The following STAU2 variants were observed in gnomAD, a reference collection of about 807,000 sequenced individuals.
STAU2 encodes staufen double-stranded RNA binding protein 2.
In STAU2, 20 loss-of-function variants were observed where a neutral mutation model predicts 65.9. The observed-to-expected ratio is 0.30, with a 90% CI of 0.21 to 0.44. The LOEUF is 0.44. Among genes scored for constraint, STAU2 ranks in the 20% least tolerant of loss-of-function variants. The probability of loss-of-function intolerance (pLI) is 1.00; values close to 1 mark genes in which losing one functional copy is unlikely to be tolerated. For missense variants in STAU2, 558 were observed against 683.9 expected (o/e 0.82, Z 2.05); for synonymous variants, 232 against 233.9 (o/e 0.99, Z 0.07).
intron 13 of STAU2, among the ~76,000 whole-genome samples, chr8:73,508,450 A>G (rs533023540): frequency 6.6e-6 from 1 of 152,332 alleles, no homozygotes; most frequent in South Asian, 2.1e-4. Context: ...TTATATGGGC[A>G]TGATTTGTGG....
At chr8:73,722,162 T>C (rs1023171393) in intron 3 of STAU2, among the ~76,000 whole-genome samples, 2 of 152,206 alleles carry the variant, frequency 1.3e-5, no homozygotes, top group African/African-American at 4.8e-5. Flanking sequence ...AAGAATCTTA[T>C]AACAGTATAC....
At chr8:73,627,755 TAA>T (rs10540688) in intron 6 of STAU2, among the ~76,000 whole-genome samples, 107,401 of 143,966 alleles carry the variant, frequency 0.75, 40,983 homozygotes, top group East Asian at 0.86. Flanking sequence ...TAAACCTTGT[TAA>T]AAAAAAAAAA....
rs1373797108 is a variant in STAU2, at chr8:73,656,115, T to C, written c.410+16992A>G. 2.0e-5 allele frequency among the ~76,000 whole-genome samples: 3 copies of C among 152,200 alleles called. No homozygotes were observed. In the East Asian group the frequency reaches 5.8e-4, roughly 29 times the overall value. Reference sequence around the variant, plus strand: ...TTTTAAACAAAAAGTAAAATATTAATGGACATGAAACTCACTGACATTTAC... The same window carrying C: ...TTTTAAACAAAAAGTAAAATATTAACGGACATGAAACTCACTGACATTTAC... On this transcript the variant is annotated intron_variant, in intron 6 of 14. Coordinates refer to ENST00000524300, the MANE Select transcript of STAU2 (RefSeq NM_001164380.2).
At chr8:73,636,862 CAA>C (rs202084863) in intron 6 of STAU2, among the ~76,000 whole-genome samples, 38 of 85,670 alleles carry the variant, frequency 4.4e-4, no homozygotes, top group Admixed American at 9.1e-4. Context: ...ACTCTGTATT[CAA>C]AAAAAAAAAA....
At chr8:73,704,298 G>A (rs1235432986) in intron 4 of STAU2, among the ~76,000 whole-genome samples, 5 of 152,142 alleles carry the variant, frequency 3.3e-5, no homozygotes, top group Non-Finnish European at 7.3e-5. Flanking sequence ...AGGAGTGTTA[G>A]TATTAATAAA....
chr8:73,639,757 A>C (rs945630317), intron 6 of STAU2, among the ~76,000 whole-genome samples: 5 of 152,108 alleles, frequency 3.3e-5, no homozygotes, highest in Admixed American at 2.0e-4. Flanking sequence ...TATTATTTTT[A>C]TCTCTCCCAA....
At chr8:73,689,746 AT>A (rs1157199495) in intron 4 of STAU2, among the ~76,000 whole-genome samples, 19 of 152,208 alleles carry the variant, frequency 1.2e-4, no homozygotes, top group African/African-American at 3.9e-4. Flanking sequence ...TTACAAAAAA[AT>A]ATATATTATT....
intron 11 of STAU2, among the ~76,000 whole-genome samples, chr8:73,590,163 G>A (rs73328780): frequency 0.18 from 27,551 of 150,462 alleles, 2,767 homozygotes; most frequent in African/African-American, 0.27. Context: ...GGATAAGAAG[G>A]AGAAGAAGAA....
At chr8:73,690,329 A>AC (rs1819243079) in intron 4 of STAU2, among the ~76,000 whole-genome samples, 2 of 98,664 alleles carry the variant, frequency 2.0e-5, no homozygotes, top group Admixed American at 1.9e-4. Flanking sequence ...ACTCTGTCTC[A>AC]AAAAAAAAAA....
intron 6 of STAU2, among the ~76,000 whole-genome samples, chr8:73,635,019 C>T (rs886783554): frequency 6.6e-6 from 1 of 152,144 alleles, no homozygotes; most frequent in Non-Finnish European, 1.5e-5. Flanking sequence ...ACTCCAAGTA[C>T]CCATAAGAAT....
Position 73,622,266 on chromosome 8 carries a change from A to G in STAU2, c.411-4815T>C, listed in dbSNP as rs570166504. On this transcript the variant is annotated intron_variant, in intron 6 of 14. Transcript: ENST00000524300. Reference sequence around the variant, plus strand: ...CTCAGCCTCCCGAGTAGCTGGGACTACAGGCGCCCGCCACCTCGCCCGGCT... The same window carrying G: ...CTCAGCCTCCCGAGTAGCTGGGACTGCAGGCGCCCGCCACCTCGCCCGGCT... Among the ~76,000 whole-genome samples the G allele has an allele frequency of 4.3e-4, 52 of 120,598 alleles. 1 individual carries two copies. The highest frequency in any genetic ancestry group is 1.9e-3 in the African/African-American group (48 of 25,262). The allele number at this position is 120,598 out of a possible 152,430, so 79.1% of individuals were successfully genotyped here. A position where few individuals can be genotyped will look rare whatever the true frequency, so the allele number is the denominator to read the frequency against.
rs1285497994 is a variant in STAU2 at position 73,501,728 on chromosome 8, T to C, written c.1530+50284A>G. On this transcript the variant is annotated intron_variant, in intron 13 of 14. Coordinates refer to ENST00000524300, the MANE Select transcript of STAU2 (RefSeq NM_001164380.2). The stretch of plus-strand genomic sequence containing the variant: ...TTGGCCTTAATGGGAAAAGAAAGTA[T>C]AAAATTCAACAAGTATTTCCAAAAG... 2.6e-5 allele frequency among the ~76,000 whole-genome samples: 4 copies of C among 152,040 alleles called. No individual in the cohort carries two copies. The South Asian group carries it at 6.2e-4, about 24-fold the overall frequency.
At chr8:73,614,906 C>T (rs759500758) in intron 8 of STAU2, among the ~76,000 whole-genome samples, 3 of 152,144 alleles carry the variant, frequency 2.0e-5, no homozygotes, top group African/African-American at 4.8e-5. Context: ...GGACCGAGAA[C>T]TGAGATAATG....
intron 11 of STAU2, among the ~76,000 whole-genome samples, chr8:73,589,251 T>G (rs1810599751): frequency 6.6e-6 from 1 of 152,208 alleles, no homozygotes; most frequent in South Asian, 2.1e-4. Context: ...AGACATATGC[T>G]GATTTCTCAA....
chr8:73,739,329 T>C (rs1365050035), intron 2 of STAU2, among the ~76,000 whole-genome samples: 1 of 151,124 alleles, frequency 6.6e-6, no homozygotes, highest in Non-Finnish European at 1.5e-5. Flanking sequence ...GATCTTGTAA[T>C]GAAAAAAAGT....
At chr8:73,673,856 C>G (rs529104165) in intron 5 of STAU2, among the ~76,000 whole-genome samples, 2 of 151,998 alleles carry the variant, frequency 1.3e-5, no homozygotes, top group South Asian at 4.1e-4. Context: ...ACAACCTAAA[C>G]AACCATCAAT....
chr8:73,514,181 GAT>G (rs1177460165), intron 13 of STAU2, among the ~76,000 whole-genome samples: 1 of 152,098 alleles, frequency 6.6e-6, no homozygotes, highest in East Asian at 1.9e-4. Context: ...AAGGCCTGCT[GAT>G]TTTTTCTCTG....
At chr8:73,493,052 T>G (rs540610550) in intron 13 of STAU2, among the ~76,000 whole-genome samples, 1 of 151,966 alleles carries the variant, frequency 6.6e-6, no homozygotes, top group South Asian at 2.1e-4. Context: ...GCCAAGGAAA[T>G]CCATTTATGT....
intron 6 of STAU2, among the ~76,000 whole-genome samples, chr8:73,622,118 A>G (rs868665527): frequency 1.6e-4 from 14 of 85,888 alleles, no homozygotes; most frequent in Admixed American, 2.4e-4. Context: ...CACCATGCCC[A>G]GCTAATTTTT....
Sources: allele counts gnomAD v4.1 joint callset (sites outside exome capture counted in the v4.1 genomes callset), GRCh38; gene constraint gnomAD v4.1.1; transcripts MANE v1.5; gene names NCBI Gene and HGNC (gene_info 2026-07-23, HGNC 2026-07-21).